PRSS3: variants seen among roughly 807,000 people sequenced by gnomAD.
PRSS3 encodes trypsin-3.
PRSS3 carries 14 observed loss-of-function variants against 20.8 expected under a neutral mutation model. The observed-to-expected ratio is 0.67, with a 90% confidence interval of 0.44 to 1.05. The LOEUF (loss-of-function observed/expected upper bound fraction) is 1.05, where lower values mean the gene tolerates loss of function less well. Among genes scored for constraint, PRSS3 ranks in the 50% least tolerant of loss-of-function variants. The pLI is 0.00. For synonymous variants in PRSS3, 91 were observed against 117.6 expected, an observed-to-expected ratio of 0.77 and a Z score of 1.46; for missense variants, 237 against 306.4, an observed-to-expected ratio of 0.77 and a Z score of 1.69.
intron 1 of PRSS3, among the ~76,000 whole-genome samples, chr9:33,769,768 G>A (rs1382170411): frequency 2.0e-5 from 3 of 152,228 alleles, no homozygotes; most frequent in Non-Finnish European, 4.4e-5. Flanking sequence ...CCAAGGGGTG[G>A]GGCCACCATT....
intron 1 of PRSS3, among the ~76,000 whole-genome samples, chr9:33,770,119 T>C (rs1420245348): frequency 2.0e-5 from 3 of 147,180 alleles, no homozygotes; most frequent in Non-Finnish European, 3.0e-5. Flanking sequence ...CACTCCAGCC[T>C]GGGCGACAAG....
chr9:33,767,253 G>A (rs1312069062), intron 1 of PRSS3, among the ~76,000 whole-genome samples: 3 of 149,322 alleles, frequency 2.0e-5, no homozygotes, highest in Middle Eastern at 3.6e-3. Flanking sequence ...TCAGGAGTTC[G>A]AGACCAGCCT....
At chr9:33,786,618 GCCAAGTCA>G in intron 1 of PRSS3, 1 of 766,398 alleles carries the variant, frequency 1.3e-6, no homozygotes, top group Non-Finnish European at 2.4e-6. Context: ...CAAGTCGACA[GCCAAGTCA>G]CCATGATGTT....
intron 1 of PRSS3, among the ~76,000 whole-genome samples, chr9:33,757,702 AC>A (rs1178832826): frequency 2.0e-5 from 3 of 152,048 alleles, no homozygotes; most frequent in Non-Finnish European, 4.4e-5. Context: ...CAACTCCATC[AC>A]CCAGAATAGT....
chr9:33,757,258 C>T (rs1822991837), intron 1 of PRSS3, among the ~76,000 whole-genome samples: 1 of 152,202 alleles, frequency 6.6e-6, no homozygotes, highest in African/African-American at 2.4e-5. Context: ...TGAAAAAGCT[C>T]TGAGATACCA....
intron 1 of PRSS3, among the ~76,000 whole-genome samples, chr9:33,754,152 A>G (rs1486884295): frequency 6.6e-6 from 1 of 151,454 alleles, no homozygotes; most frequent in East Asian, 2.0e-4. Flanking sequence ...GCTCACTGCA[A>G]CCTCCGCTTC....
chr9:33,753,348 GA>G (rs964135688), intron 1 of PRSS3, among the ~76,000 whole-genome samples: 162 of 151,624 alleles, frequency 1.1e-3, no homozygotes, highest in African/African-American at 3.8e-3. Flanking sequence ...GTTTTTCAAA[GA>G]AAAAAAACGG....
In PRSS3 at chr9:33,756,999, C is replaced by T. The variant is rs140948441; in HGVS notation, c.-53+6272C>T. 6.0e-3 allele frequency among the ~76,000 whole-genome samples: 917 copies of T among 152,304 alleles called. 4 individuals carry two copies. The highest frequency in any genetic ancestry group is 0.014 in the Middle Eastern group (4 of 294). On this transcript the variant is annotated intron_variant, in intron 1 of 5. Coordinates refer to the PRSS3 transcript ENST00000342836. ...AGAGAAAGCCTTCTTGATGGCTTAT[C>T]GCCTGTCTCTAGTGCTTTCTAGTAC...
At chr9:33,770,698 C>T (rs946256761) in intron 1 of PRSS3, among the ~76,000 whole-genome samples, 4 of 152,166 alleles carry the variant, frequency 2.6e-5, no homozygotes, top group African/African-American at 9.7e-5. Context: ...AAGAGGATGA[C>T]TATGTGAGGA....
chr9:33,798,961 A>G (rs2119151257), intron 4 of PRSS3, 67 bp from the exon 5 acceptor site: 1 of 1,576,966 alleles, frequency 6.3e-7, no homozygotes, highest in Non-Finnish European at 8.7e-7. Flanking sequence ...TTTAAGGTTC[A>G]CAGTAAATGT....
chr9:33,764,696 C>G (rs887208449), intron 1 of PRSS3, among the ~76,000 whole-genome samples: 8 of 152,078 alleles, frequency 5.3e-5, no homozygotes, highest in Non-Finnish European at 8.8e-5. Context: ...TGGACTTCAT[C>G]AAAATTACAA....
intron 1 of PRSS3, among the ~76,000 whole-genome samples, chr9:33,790,468 T>G (rs1824583595): frequency 6.6e-6 from 1 of 152,188 alleles, no homozygotes; most frequent in Non-Finnish European, 1.5e-5. Context: ...ATTATTTCTG[T>G]TACAGACTCA....
rs958799781 is a variant in PRSS3, at chr9:33,754,032, C to CT, written c.-53+3314dup. On this transcript the variant is annotated intron_variant, in intron 1 of 5. Transcript: ENST00000342836. ...CCAGAAGAGTCTTGTCTTGTCTTGT[C>CT]TTTTTTTTTCTTTTCTTTTCTCTCT... Among the ~76,000 whole-genome samples the CT allele has an allele frequency of 1.1e-3, 162 of 151,540 alleles. 1 individual carries two copies. The highest frequency in any genetic ancestry group is 3.4e-3 in the Middle Eastern group (1 of 294).
At chr9:33,780,391 C>A (rs1464042165) in intron 1 of PRSS3, among the ~76,000 whole-genome samples, 3 of 152,242 alleles carry the variant, frequency 2.0e-5, no homozygotes, top group South Asian at 4.1e-4. Flanking sequence ...GTAGACCATC[C>A]TTACAAAAGG....
upstream of PRSS3, among the ~76,000 whole-genome samples, chr9:33,792,061 A>G (rs553633941): frequency 1.3e-5 from 2 of 152,334 alleles, no homozygotes; most frequent in East Asian, 3.9e-4. Context: ...TGGATCATAC[A>G]GAGCACTCCC....
At chr9:33,772,162 G>A (rs926652370) in intron 1 of PRSS3, among the ~76,000 whole-genome samples, 3 of 151,988 alleles carry the variant, frequency 2.0e-5, no homozygotes, top group African/African-American at 2.4e-5. Flanking sequence ...GTAAGCCACC[G>A]CGCGCAGCCC....
intron 1 of PRSS3, among the ~76,000 whole-genome samples, chr9:33,766,263 C>CAAAAAAAA (rs67834191): frequency 1.4e-5 from 1 of 72,798 alleles, no homozygotes; most frequent in African/African-American, 6.7e-5. Context: ...GATTCCGTCT[C>CAAAAAAAA]AAAAAAAAAA....
intron 1 of PRSS3, among the ~76,000 whole-genome samples, chr9:33,766,434 A>G (rs528828418): frequency 8.8e-4 from 134 of 151,592 alleles, no homozygotes; most frequent in African/African-American, 3.0e-3. Context: ...TTAGCCGGGC[A>G]TGGTGGCAGG....
intron 1 of PRSS3, among the ~76,000 whole-genome samples, chr9:33,771,195 C>T (rs905056286): frequency 2.0e-5 from 3 of 152,152 alleles, no homozygotes; most frequent in African/African-American, 7.2e-5. Flanking sequence ...TTATTGAAAT[C>T]CCACTTACTC....
Sources: gnomAD v4.1 joint callset for allele counts (sites outside exome capture counted in the v4.1 genomes callset) on GRCh38, gnomAD v4.1.1 for gene constraint, MANE v1.5 for transcripts, NCBI Gene and HGNC (gene_info 2026-07-23, HGNC 2026-07-21) for gene names.